UPRT: variants seen among roughly 807,000 people sequenced by gnomAD.
The protein encoded by UPRT is RP11-311P8.3.
In UPRT, 5 loss-of-function variants were observed where a neutral mutation model predicts 22.6. The observed-to-expected ratio is 0.22, with a 90% CI of 0.12 to 0.47. The LOEUF is 0.47. Ranked by LOEUF, UPRT falls within the 20% of genes least tolerant of loss-of-function variation. UPRT has a pLI of 0.99. For synonymous variants in UPRT, 77 were observed against 87.7 expected, an observed-to-expected ratio of 0.88 and a Z score of 0.68; for missense variants, 181 against 239.9, an observed-to-expected ratio of 0.75 and a Z score of 1.62.
intron 4 of UPRT, among the ~76,000 whole-genome samples, chrX:75,205,455 G>C (rs1348748755): frequency 9.1e-6 from 1 of 109,385 alleles, no homozygotes; most frequent in Non-Finnish European, 1.9e-5. Flanking sequence ...TATGGACCAG[G>C]GCCTTCTGGA....
chrX:75,232,278 C>T lies in UPRT; in HGVS notation c.-446-58746C>T, dbSNP rs1190696963. On this transcript the variant is annotated intron_variant, in intron 4 of 13. Transcript: ENST00000652605. ...GGGAGATTATATCCCGCACATGGCT[C>T]GGAGGGTCCTATGCCCACGGAGTCT... Among the ~76,000 whole-genome samples the T allele has an allele frequency of 5.3e-5, 6 of 112,630 alleles. No individual in the cohort carries two copies. The East Asian group carries it at 8.4e-4, about 16-fold the overall frequency.
intron 4 of UPRT, among the ~76,000 whole-genome samples, chrX:75,207,924 G>C (rs1395886675): frequency 1.8e-5 from 2 of 111,465 alleles, no homozygotes; most frequent in Non-Finnish European, 3.8e-5. Flanking sequence ...CTCAGTACTG[G>C]GACCATTTTA....
intron 4 of UPRT, among the ~76,000 whole-genome samples, chrX:75,261,680 A>G (rs762890317): frequency 1.3e-4 from 15 of 111,765 alleles, no homozygotes; most frequent in Non-Finnish European, 2.4e-4. Flanking sequence ...TATGAGGCCA[A>G]CATCATCCTG....
chrX:75,301,393 G>C (rs1458209968), intron 6 of UPRT, among the ~76,000 whole-genome samples: 1 of 111,831 alleles, frequency 8.9e-6, no homozygotes, highest in Non-Finnish European at 1.9e-5. Context: ...TCTGCTCAAA[G>C]GGCAGAGAGA....
At chrX:75,233,255 G>T (rs996473499) in intron 4 of UPRT, among the ~76,000 whole-genome samples, 5 of 110,062 alleles carry the variant, frequency 4.5e-5, no homozygotes, top group Non-Finnish European at 9.5e-5. Flanking sequence ...AAAAAGAAAT[G>T]AGCAAAGCCT....
At chrX:75,215,113 A>G (rs1168493223) in intron 4 of UPRT, among the ~76,000 whole-genome samples, 1 of 111,812 alleles carries the variant, frequency 8.9e-6, no homozygotes, top group African/African-American at 3.3e-5. Context: ...TTTAAAGAAG[A>G]TATCTTTTTT....
chrX:75,253,026 A>C (rs2082536925), intron 4 of UPRT, among the ~76,000 whole-genome samples: 1 of 110,235 alleles, frequency 9.1e-6, no homozygotes, highest in African/African-American at 3.3e-5. Flanking sequence ...GGAACATTAC[A>C]CTGTGGGGAC....
chrX:75,199,583 A>G (rs749395733), intron 4 of UPRT, among the ~76,000 whole-genome samples: 1 of 110,719 alleles, frequency 9.0e-6, no homozygotes, highest in Non-Finnish European at 1.9e-5. Context: ...GGGGAGACTC[A>G]GCACATTCCC....
chrX:75,281,493 A>G (rs2082656626), intron 1 of UPRT, among the ~76,000 whole-genome samples: 1 of 111,660 alleles, frequency 9.0e-6, no homozygotes, highest in Non-Finnish European at 1.9e-5. Flanking sequence ...CATTTTGTTG[A>G]ATGCTTTTTC....
At chrX:75,188,138 C>T (rs2082301263) in intron 4 of UPRT, among the ~76,000 whole-genome samples, 1 of 111,887 alleles carries the variant, frequency 8.9e-6, no homozygotes, top group African/African-American at 3.2e-5. Context: ...TCTGTTTTTT[C>T]CCCATCTTTG....
chrX:75,246,099 T>C (rs1024423467), intron 4 of UPRT, among the ~76,000 whole-genome samples: 17 of 111,258 alleles, frequency 1.5e-4, no homozygotes, highest in Admixed American at 8.6e-4. Flanking sequence ...GTTTTTGATC[T>C]TTTATTTTAT....
chrX:75,162,404 T>TGC (rs2082202744), intron 2 of UPRT, among the ~76,000 whole-genome samples: 3 of 112,020 alleles, frequency 2.7e-5, no homozygotes, highest in Non-Finnish European at 5.6e-5. Context: ...TATAGATTAA[T>TGC]AACTCAGTAT....
At chrX:75,167,667 T>C (rs1195560645) in intron 3 of UPRT, among the ~76,000 whole-genome samples, 1 of 112,182 alleles carries the variant, frequency 8.9e-6, no homozygotes, top group Non-Finnish European at 1.9e-5. Context: ...CTCATATGCT[T>C]GTTGGCCACG....
chrX:75,233,772 G>T (rs185584802), intron 4 of UPRT, among the ~76,000 whole-genome samples: 275 of 110,650 alleles, frequency 2.5e-3, no homozygotes, highest in African/African-American at 8.6e-3. Context: ...CCCTAAAAGA[G>T]CTCCTGAAGG....
intron 4 of UPRT, among the ~76,000 whole-genome samples, chrX:75,184,454 G>A (rs1205463587): frequency 9.7e-6 from 1 of 103,261 alleles, no homozygotes; most frequent in Non-Finnish European, 2.0e-5. Flanking sequence ...AAGTCAGGTA[G>A]TGTGATGCCT....
At chrX:75,178,699 C>T (rs750084306) in intron 4 of UPRT, among the ~76,000 whole-genome samples, 61 of 110,407 alleles carry the variant, frequency 5.5e-4, no homozygotes, top group South Asian at 2.5e-3. Context: ...TTGTTCCTCC[C>T]GGTGGGCTCG....
intron 4 of UPRT, among the ~76,000 whole-genome samples, chrX:75,194,897 G>A (rs1358395324): frequency 9.0e-6 from 1 of 110,764 alleles, no homozygotes. Context: ...TGTCAGTATG[G>A]GGGTGGGGAG....
chrX:75,256,839 C>G (rs1397415498), intron 4 of UPRT, among the ~76,000 whole-genome samples: 1 of 111,185 alleles, frequency 9.0e-6, no homozygotes. Context: ...ATACCCTGAA[C>G]AGAACAATAA....
intron 4 of UPRT, among the ~76,000 whole-genome samples, chrX:75,188,878 C>A (rs767993018): frequency 4.5e-5 from 5 of 111,868 alleles, no homozygotes; most frequent in African/African-American, 1.6e-4. Flanking sequence ...CACCCTGCTT[C>A]GGCTCGCACG....
Sources: allele counts gnomAD v4.1 joint callset (sites outside exome capture counted in the v4.1 genomes callset), GRCh38; gene constraint gnomAD v4.1.1; transcripts MANE v1.5; gene names NCBI Gene and HGNC (gene_info 2026-07-23, HGNC 2026-07-21).